The following RALYL variants were observed in gnomAD, a reference collection of about 807,000 sequenced individuals.
RALYL encodes RNA-binding Raly-like protein.
In RALYL, 29 loss-of-function variants were observed where a neutral mutation model predicts 35.1. The observed-to-expected ratio is 0.83, with a 90% confidence interval of 0.61 to 1.13. The LOEUF (loss-of-function observed/expected upper bound fraction) is 1.13, where lower values mean the gene tolerates loss of function less well. Ranked by LOEUF, RALYL falls within the 50% of genes most tolerant of loss-of-function variation. The pLI is 0.00. For synonymous variants in RALYL, 120 were observed against 127.6 expected, an observed-to-expected ratio of 0.94 and a Z score of 0.40; for missense variants, 359 against 360.4, an observed-to-expected ratio of 1.00 and a Z score of 0.03.
intron 1 of RALYL, among the ~76,000 whole-genome samples, chr8:84,401,555 A>G (rs200221430): frequency 7.0e-6 from 1 of 143,622 alleles, no homozygotes; most frequent in Non-Finnish European, 1.5e-5. Flanking sequence ...GGAGAATGGC[A>G]TGAACCCGGG....
At chr8:84,550,758 A>C (rs2060663303) in intron 2 of RALYL, among the ~76,000 whole-genome samples, 1 of 151,906 alleles carries the variant, frequency 6.6e-6, no homozygotes, top group Non-Finnish European at 1.5e-5. Context: ...AATTTTCTGC[A>C]ATGTTGAAAG....
intron 8 of RALYL, among the ~76,000 whole-genome samples, chr8:84,905,720 A>C (rs1189637249): frequency 6.8e-6 from 1 of 146,062 alleles, no homozygotes; most frequent in Admixed American, 6.9e-5. Context: ...TTTTTGAGAC[A>C]GAGTCTTGCT....
intron 8 of RALYL, among the ~76,000 whole-genome samples, chr8:84,908,747 T>C (rs1442317849): frequency 2.0e-5 from 3 of 152,122 alleles, no homozygotes; most frequent in Admixed American, 2.0e-4. Context: ...CCTAGCAGTT[T>C]GTGCATCTCC....
intron 1 of RALYL, among the ~76,000 whole-genome samples, chr8:84,327,045 C>T (rs557310012): frequency 4.2e-4 from 64 of 152,118 alleles, no homozygotes; most frequent in Middle Eastern, 3.4e-3. Context: ...GACATGCTAC[C>T]ACATGTTTGA....
intron 1 of RALYL, among the ~76,000 whole-genome samples, chr8:84,191,084 A>T (rs535233889): frequency 6.6e-6 from 1 of 152,108 alleles, no homozygotes; most frequent in African/African-American, 2.4e-5. Flanking sequence ...TTTTTGAAAT[A>T]AACTAAATGA....
chr8:84,609,412 A>C (rs1817819127), intron 2 of RALYL, among the ~76,000 whole-genome samples: 1 of 152,174 alleles, frequency 6.6e-6, no homozygotes, highest in Non-Finnish European at 1.5e-5. Context: ...GTGCTACCTC[A>C]TATTAGGAAC....
At chr8:84,666,709 A>C (rs1832125864) in intron 2 of RALYL, among the ~76,000 whole-genome samples, 1 of 152,086 alleles carries the variant, frequency 6.6e-6, no homozygotes, top group African/African-American at 2.4e-5. Flanking sequence ...TCTGAGATCA[A>C]ATGAAATCGT....
rs1251794480 is a variant in RALYL, at chr8:84,425,158, A to C, written c.-23-104141A>C. ...ACGCCCCTCCCCCAGCCTCGCTGCT[A>C]CCTTGCAGTTTGATCTCAGACTGCT... is the stretch of plus-strand genomic sequence containing the variant. On this transcript the variant is annotated intron_variant, in intron 1 of 8. Transcript: ENST00000521268. 3.7e-3 allele frequency among the ~76,000 whole-genome samples: 559 copies of C among 151,972 alleles called. 4 individuals are homozygous for C. Among genetic ancestry groups the C allele is most frequent in the African/African-American group, 0.013 (522 of 41,366 alleles).
intron 1 of RALYL, among the ~76,000 whole-genome samples, chr8:84,331,461 C>G (rs905580663): frequency 6.6e-5 from 10 of 152,104 alleles, no homozygotes; most frequent in African/African-American, 1.9e-4. Context: ...AAAATAATTA[C>G]TATCTTAGAC....
intron 3 of RALYL, among the ~76,000 whole-genome samples, chr8:84,785,720 T>A (rs1819284553): frequency 6.6e-6 from 1 of 152,196 alleles, no homozygotes; most frequent in Non-Finnish European, 1.5e-5. Flanking sequence ...TAGTGAGTAA[T>A]CTGATCCAAC....
At chr8:84,382,662 T>C (rs1586742669) in intron 1 of RALYL, among the ~76,000 whole-genome samples, 1 of 151,854 alleles carries the variant, frequency 6.6e-6, no homozygotes, top group East Asian at 1.9e-4. Context: ...ATATATATCA[T>C]TGAATTATAA....
chr8:84,402,961 T>C (rs1302479331), intron 1 of RALYL, among the ~76,000 whole-genome samples: 2 of 152,230 alleles, frequency 1.3e-5, no homozygotes, highest in Non-Finnish European at 2.9e-5. Context: ...AATGTCTTCA[T>C]TTGAGAAGTG....
At chr8:84,446,548 A>G (rs114119655) in intron 1 of RALYL, among the ~76,000 whole-genome samples, 1 of 152,196 alleles carries the variant, frequency 6.6e-6, no homozygotes, top group African/African-American at 2.4e-5. Context: ...TCTTCCTGGT[A>G]TGTCAATTTT....
At chr8:84,511,858 T>A (rs2057651711) in intron 1 of RALYL, among the ~76,000 whole-genome samples, 1 of 152,230 alleles carries the variant, frequency 6.6e-6, no homozygotes, top group African/African-American at 2.4e-5. Flanking sequence ...ATCCATGCTG[T>A]GCAAATGCAA....
At chr8:84,254,371 A>T (rs1180302706) in intron 1 of RALYL, among the ~76,000 whole-genome samples, 1 of 152,130 alleles carries the variant, frequency 6.6e-6, no homozygotes, top group Non-Finnish European at 1.5e-5. Context: ...CCCTCAAATA[A>T]TGTAGTCAGA....
chr8:84,511,163 A>G (rs922036201), intron 1 of RALYL, among the ~76,000 whole-genome samples: 3 of 152,014 alleles, frequency 2.0e-5, no homozygotes, highest in Admixed American at 6.6e-5. Flanking sequence ...TCAGGCATCA[A>G]TTTTCTTCTT....
chr8:84,534,351 T>C (rs1203627581), intron 2 of RALYL, among the ~76,000 whole-genome samples: 4 of 152,366 alleles, frequency 2.6e-5, no homozygotes, highest in East Asian at 3.9e-4. Context: ...TTCAGTACTT[T>C]AGTGAAACCT....
intron 1 of RALYL, among the ~76,000 whole-genome samples, chr8:84,425,601 C>A (rs562397210): frequency 2.6e-4 from 40 of 152,300 alleles, no homozygotes; most frequent in African/African-American, 8.2e-4. Context: ...AACTCTTATA[C>A]AGCCACTTGT....
intron 4 of RALYL, among the ~76,000 whole-genome samples, chr8:84,830,736 A>C (rs188499636): frequency 1.3e-3 from 200 of 152,292 alleles, no homozygotes; most frequent in African/African-American, 4.5e-3. Flanking sequence ...AAGTAAACAG[A>C]GCAATATTTT....
Sources: gnomAD v4.1 joint callset for allele counts (sites outside exome capture counted in the v4.1 genomes callset) on GRCh38, gnomAD v4.1.1 for gene constraint, MANE v1.5 for transcripts, NCBI Gene and HGNC (gene_info 2026-07-23, HGNC 2026-07-21) for gene names.